Variants in MYT1L observed in about 807,000 individuals in gnomAD.
The protein encoded by MYT1L is myelin transcription factor 1-like protein.
A neutral mutation model predicts 126.7 loss-of-function variants in MYT1L; 12 were observed. The observed-to-expected ratio is 0.09, with a 90% CI of 0.06 to 0.15. The LOEUF is 0.15. Ranked by LOEUF, MYT1L falls within the 10% of genes least tolerant of loss-of-function variation. The pLI is 1.00. For synonymous variants in MYT1L, 541 were observed against 604.2 expected (o/e 0.90, Z 1.53); for missense variants, 979 against 1,585.2 (o/e 0.62, Z 6.49).
In MYT1L at chr2:2,220,304, C is replaced by G. The variant is rs193273327; in HGVS notation, c.-420-47316G>C. On this transcript the variant is annotated intron_variant, in intron 2 of 24. Transcript: ENST00000647738. Reference sequence around the variant, plus strand: ...AAAACATTGATATGGTTCAGAAAGGCGGGACAACTCCAAGGGGGTTTGGTG... The same window carrying G: ...AAAACATTGATATGGTTCAGAAAGGGGGGACAACTCCAAGGGGGTTTGGTG... 6.6e-5 allele frequency among the ~76,000 whole-genome samples: 10 copies of G among 152,162 alleles called. No homozygotes were observed. The East Asian group carries it at 1.7e-3, about 27-fold the overall frequency.
chr2:1,987,437 G>C (rs1266172928), intron 5 of MYT1L, among the ~76,000 whole-genome samples: 1 of 151,998 alleles, frequency 6.6e-6, no homozygotes, highest in African/African-American at 2.4e-5. Context: ...GTTTCCATGG[G>C]AGGGGCAGCC....
chr2:1,887,617 C>A lies in MYT1L; in HGVS notation c.2521-8G>T. ...TGGGTCCAAGTCTTCTGGCTGTGGG[C>A]AAAACACAGCTTCAGAGCCACACGG... On this transcript the variant is annotated splice_polypyrimidine_tract_variant and splice_region_variant and intron_variant, in intron 16 of 24. Coordinates refer to ENST00000647738, the MANE Select transcript of MYT1L (RefSeq NM_001303052.2). The surrounding 1 kb of genome is among the most constrained non-coding windows in gnomAD (Gnocchi z 4.8). 1.2e-6 allele frequency: 2 copies of A among 1,613,908 alleles called. No homozygotes were observed. Among genetic ancestry groups the A allele is most frequent in the Non-Finnish European group, 1.7e-6 (2 of 1,179,874 alleles).
Position 1,946,940 on chromosome 2 carries a change from T to G in MYT1L, c.153-3606A>C, listed in dbSNP as rs183278092. Among the ~76,000 whole-genome samples, 217 of 152,308 alleles carry G rather than the reference T, an allele frequency of 1.4e-3. 1 individual carries two copies. Among genetic ancestry groups the G allele is most frequent in the African/African-American group, 5.0e-3 (206 of 41,570 alleles). ...CTGTGTTTGTTCAGTTAGCAGATAA[T>G]AGATGCAGCTGTGCACGGATGGCTC... On this transcript the variant is annotated intron_variant, in intron 8 of 24. Transcript: ENST00000647738.
At chr2:2,182,376 GGCTA>G (rs1233389377) in intron 2 of MYT1L, among the ~76,000 whole-genome samples, 4 of 152,090 alleles carry the variant, frequency 2.6e-5, no homozygotes, top group South Asian at 2.1e-4. Context: ...AATGATTCTG[GGCTA>G]GCTGATATTT....
chr2:2,225,938 C>A (rs1173565635), intron 2 of MYT1L, among the ~76,000 whole-genome samples: 6 of 152,122 alleles, frequency 3.9e-5, no homozygotes, highest in African/African-American at 1.4e-4. Context: ...GAAGCTTGCC[C>A]CAGGTCAGAG....
At chr2:1,905,327 T>TA (rs1406594201) in intron 13 of MYT1L, among the ~76,000 whole-genome samples, 2 of 152,008 alleles carry the variant, frequency 1.3e-5, no homozygotes, top group African/African-American at 4.8e-5. Context: ...GTATTAGTGT[T>TA]AGGTTCATAG....
chr2:2,040,410 C>G (rs967124955), intron 4 of MYT1L, among the ~76,000 whole-genome samples: 2 of 152,160 alleles, frequency 1.3e-5, no homozygotes, highest in African/African-American at 4.8e-5. Flanking sequence ...CTTTAAAACT[C>G]GATTCTGAGA....
chr2:1,969,217 G>C (rs922701531), intron 8 of MYT1L, among the ~76,000 whole-genome samples: 2 of 152,050 alleles, frequency 1.3e-5, no homozygotes, highest in African/African-American at 4.8e-5. Flanking sequence ...CCCCGGCGGG[G>C]GATGCGGGCA....
chr2:1,935,399 A>G (rs891769886), intron 9 of MYT1L, among the ~76,000 whole-genome samples: 10 of 152,164 alleles, frequency 6.6e-5, no homozygotes, highest in African/African-American at 2.4e-4. Flanking sequence ...CTTAATATAC[A>G]TGATATACTT....
At chr2:2,099,526 T>C (rs1159455392) in intron 3 of MYT1L, among the ~76,000 whole-genome samples, 2 of 152,176 alleles carry the variant, frequency 1.3e-5, no homozygotes, top group Non-Finnish European at 2.9e-5. Flanking sequence ...CCGTTCTGGG[T>C]CCTTCTCTAA....
chr2:2,287,929 C>G (rs1339173092), intron 1 of MYT1L, among the ~76,000 whole-genome samples: 1 of 152,174 alleles, frequency 6.6e-6, no homozygotes, highest in Non-Finnish European at 1.5e-5. Context: ...AGAGTAATAG[C>G]TAAACACAAG....
At chr2:1,993,311 C>T (rs1019244632) in intron 5 of MYT1L, among the ~76,000 whole-genome samples, 13 of 152,188 alleles carry the variant, frequency 8.5e-5, no homozygotes, top group African/African-American at 2.9e-4. Context: ...GGGGATTGGG[C>T]AGCCGCTGCT....
At chr2:2,085,861 C>T (rs1489600147) in intron 3 of MYT1L, among the ~76,000 whole-genome samples, 3 of 152,222 alleles carry the variant, frequency 2.0e-5, no homozygotes, top group South Asian at 2.1e-4. Context: ...TGTCCCCACT[C>T]GGTTTCCTGA....
At chr2:2,203,625 G>A (rs1208612155) in intron 2 of MYT1L, among the ~76,000 whole-genome samples, 2 of 151,772 alleles carry the variant, frequency 1.3e-5, no homozygotes, top group Non-Finnish European at 2.9e-5. Flanking sequence ...ACAAACAAAT[G>A]GAAGAACATT....
chr2:1,842,130 G>C (rs1295028064), intron 19 of MYT1L: 1 of 152,286 alleles, frequency 6.6e-6, no homozygotes, highest in African/African-American at 2.4e-5. Context: ...CCAGGTGGGA[G>C]GCCACTCTTC....
intron 1 of MYT1L, among the ~76,000 whole-genome samples, chr2:2,314,725 C>A (rs1301332436): frequency 6.6e-6 from 1 of 152,072 alleles, no homozygotes; most frequent in Non-Finnish European, 1.5e-5. Context: ...TCAAGACAAT[C>A]CTAAGCAAAA....
chr2:1,965,939 G>A (rs777866021), intron 8 of MYT1L, among the ~76,000 whole-genome samples: 2 of 152,262 alleles, frequency 1.3e-5, no homozygotes, highest in Non-Finnish European at 2.9e-5. Context: ...TACGTGCCGG[G>A]TGGCCCTGTG....
chr2:2,246,433 C>T (rs1373257175), intron 2 of MYT1L, among the ~76,000 whole-genome samples: 1 of 152,098 alleles, frequency 6.6e-6, no homozygotes, highest in Non-Finnish European at 1.5e-5. Context: ...GTGTGTGCCG[C>T]AATGGAACAC....
intron 3 of MYT1L, among the ~76,000 whole-genome samples, chr2:2,162,589 A>G (rs2148443488): frequency 6.6e-6 from 1 of 152,252 alleles, no homozygotes; most frequent in Admixed American, 6.5e-5. Flanking sequence ...ACTCTGACTA[A>G]GGGAACACTG....
Sources: allele counts gnomAD v4.1 joint callset (sites outside exome capture counted in the v4.1 genomes callset), GRCh38; gene constraint gnomAD v4.1.1; non-coding constraint Gnocchi (gnomAD v3.1); transcripts MANE v1.5; gene names NCBI Gene and HGNC (gene_info 2026-07-23, HGNC 2026-07-21).